Variants in SSBP3 observed in about 807,000 individuals in gnomAD.
SSBP3 encodes single-stranded DNA-binding protein 3.
A neutral mutation model predicts 69.6 loss-of-function variants in SSBP3; 5 were observed. The ratio of observed to expected loss-of-function variants is 0.07; its 90% CI spans 0.04 to 0.15. SSBP3 has a LOEUF of 0.15. Among genes scored for constraint, SSBP3 ranks in the 10% least tolerant of loss-of-function variants. SSBP3 has a pLI of 1.00. For missense variants in SSBP3, 312 were observed against 534.0 expected (o/e 0.58, Z 4.10); for synonymous variants, 196 against 193.4 (o/e 1.01, Z -0.11).
exon 12 of SSBP3, chr1:54,241,481 G>A (rs1300822958): frequency 6.2e-7 from 1 of 1,614,104 alleles, no homozygotes; most frequent in Admixed American, 1.7e-5. Flanking sequence ...TACCACATAG[G>A]TACCAGGTGA....
chr1:54,343,090 G>A (rs949646736), intron 4 of SSBP3, among the ~76,000 whole-genome samples: 6 of 152,200 alleles, frequency 3.9e-5, no homozygotes, highest in African/African-American at 1.2e-4. Flanking sequence ...ACCCGCCTGC[G>A]AGCTCCATAG....
At chr1:54,335,892 G>C (rs763664422) in intron 4 of SSBP3, 2 of 152,388 alleles carry the variant, frequency 1.3e-5, no homozygotes, top group East Asian at 1.9e-4. Flanking sequence ...AAGTAGCTGG[G>C]GGAAGGGCAG....
exon 1 of SSBP3, chr1:54,406,052 CGCCGCCGCT>C (rs1228300711): frequency 4.9e-6 from 7 of 1,424,138 alleles, no homozygotes; most frequent in Non-Finnish European, 6.5e-6. Flanking sequence ...CCGCCGCCGC[CGCCGCCGCT>C]ACCGCTCCGG....
chr1:54,365,573 C>T (rs1317920437), intron 4 of SSBP3, among the ~76,000 whole-genome samples: 1 of 152,196 alleles, frequency 6.6e-6, no homozygotes, highest in Non-Finnish European at 1.5e-5. Context: ...AGGGAAGGCA[C>T]ATGCCCTCCC....
chr1:54,368,645 C>G (rs1183738535), intron 4 of SSBP3, among the ~76,000 whole-genome samples: 1 of 152,140 alleles, frequency 6.6e-6, no homozygotes, highest in Non-Finnish European at 1.5e-5. Flanking sequence ...GCAATGCACC[C>G]TAGTACACTA....
chr1:54,323,482 G>A (rs1646250310), intron 4 of SSBP3, among the ~76,000 whole-genome samples: 1 of 152,152 alleles, frequency 6.6e-6, no homozygotes, highest in Admixed American at 6.5e-5. Context: ...ATCTTCCTGG[G>A]AGGAGGTGTT....
chr1:54,321,759 G>A (rs1000344791), intron 4 of SSBP3, among the ~76,000 whole-genome samples: 13 of 152,234 alleles, frequency 8.5e-5, no homozygotes, highest in African/African-American at 3.1e-4. Flanking sequence ...TCTTCCATGT[G>A]CTATTCTGGA....
At chr1:54,355,512 C>T (rs1207703824) in intron 4 of SSBP3, among the ~76,000 whole-genome samples, 2 of 152,132 alleles carry the variant, frequency 1.3e-5, no homozygotes, top group African/African-American at 2.4e-5. Context: ...CCATGCGTGA[C>T]TAATTTTTGT....
chr1:54,225,978 TA>T (rs750110052), exon 18 of SSBP3: 2 of 151,752 alleles, frequency 1.3e-5, no homozygotes, highest in East Asian at 1.9e-4. Flanking sequence ...AAAGGACGAA[TA>T]AAGAGAAAAA....
intron 14 of SSBP3, among the ~76,000 whole-genome samples, chr1:54,235,448 A>ATTTTTTTTTTTTTTTTTTTTTTT (rs71580002): frequency 4.3e-5 from 3 of 69,910 alleles, no homozygotes; most frequent in East Asian, 4.1e-4. Flanking sequence ...TGCCCGGCTG[A>ATTTTTTTTTTTTTTTTTTTTTTT]TTTTTTTTTT....
intron 4 of SSBP3, among the ~76,000 whole-genome samples, chr1:54,330,005 C>T (rs1336809924): frequency 6.6e-6 from 1 of 152,174 alleles, no homozygotes; most frequent in Non-Finnish European, 1.5e-5. Context: ...ACACCTGGCG[C>T]CCCACCATAC....
chr1:54,328,776 A>C (rs1451233733), intron 4 of SSBP3, among the ~76,000 whole-genome samples: 1 of 151,888 alleles, frequency 6.6e-6, no homozygotes, highest in East Asian at 1.9e-4. Flanking sequence ...GTAACCCAAT[A>C]CCTACCGGGA....
intron 4 of SSBP3, among the ~76,000 whole-genome samples, chr1:54,298,584 C>A (rs1645742550): frequency 6.6e-6 from 1 of 152,180 alleles, no homozygotes; most frequent in Admixed American, 6.5e-5. Context: ...TCTCCAACTT[C>A]TTTTCGTAGC....
rs574014686 is a variant in SSBP3, at chr1:54,258,314, C to T, written c.367-165G>A. On this transcript the variant is annotated intron_variant, in intron 5 of 17. Transcript: ENST00000610401. This position sits in a 1 kb window ranked among gnomAD's most constrained non-coding sequence, Gnocchi z 4.5. ...GTGGTGGAGCTGCTGCTTTGGTCGC[C>T]GGCTCAACGGTGTAAAACGGCGAGC... Among the ~76,000 whole-genome samples the T allele has an allele frequency of 2.7e-3, 417 of 152,184 alleles. 3 individuals are homozygous for T. Among genetic ancestry groups the T allele is most frequent in the South Asian group, 0.016 (79 of 4,822 alleles).
intron 4 of SSBP3, among the ~76,000 whole-genome samples, chr1:54,283,733 A>G (rs898753448): frequency 6.6e-5 from 10 of 152,238 alleles, no homozygotes; most frequent in African/African-American, 2.4e-4. Flanking sequence ...ACCATCCTGT[A>G]ATGTGTACAA....
At chr1:54,279,134 G>A (rs185720433) in intron 5 of SSBP3, among the ~76,000 whole-genome samples, 6 of 152,292 alleles carry the variant, frequency 3.9e-5, no homozygotes, top group Admixed American at 3.9e-4. Flanking sequence ...ACGTCACCCA[G>A]GAAGCAGAGA....
intron 7 of SSBP3, among the ~76,000 whole-genome samples, chr1:54,253,193 T>G (rs1209499563): frequency 1.5e-5 from 2 of 132,498 alleles, no homozygotes; most frequent in Admixed American, 1.5e-4. Flanking sequence ...TTAGTTTTTG[T>G]TTTTTTTTTT....
intron 4 of SSBP3, among the ~76,000 whole-genome samples, chr1:54,347,233 A>G (rs769459913): frequency 5.9e-5 from 9 of 151,864 alleles, no homozygotes; most frequent in Non-Finnish European, 1.3e-4. Context: ...CTCCCAAAGT[A>G]CTGGGGTTAG....
chr1:54,407,281 C>T (rs966074584), upstream of SSBP3, among the ~76,000 whole-genome samples: 37 of 152,272 alleles, frequency 2.4e-4, no homozygotes, highest in African/African-American at 7.2e-4. Context: ...GGGTGCCACT[C>T]GGAGATGGGG....
Sources: allele counts gnomAD v4.1 joint callset (sites outside exome capture counted in the v4.1 genomes callset), GRCh38; gene constraint gnomAD v4.1.1; non-coding constraint Gnocchi (gnomAD v3.1); transcripts MANE v1.5; gene names NCBI Gene and HGNC (gene_info 2026-07-23, HGNC 2026-07-21).